Variants in PXDNL observed in about 807,000 individuals in gnomAD.
PXDNL encodes the protein peroxidasin like.
PXDNL carries 145 observed loss-of-function variants against 150.8 expected under a neutral mutation model. That is an observed-to-expected ratio of 0.96 (90% confidence interval 0.84 to 1.10). The LOEUF is 1.10. PXDNL is among the 50% of genes least tolerant of loss of function. The pLI is 0.00. For missense variants in PXDNL, 2,087 were observed against 1,873.9 expected (o/e 1.11, Z -2.10); for synonymous variants, 757 against 725.7 (o/e 1.04, Z -0.69).
rs747622985 is a variant in PXDNL, at chr8:51,475,130, G to T, written c.536C>A (p.Ser179Tyr). ...LDSLKRLRLD[S>Y]NALVCDCDLM... The stretch of plus-strand genomic sequence containing the variant: ...ATCACAGTCACAAACCAGGGCGTTG[G>T]AATCCAGACGCCTAGGCATGCAGGC... Residue 179 changes from serine (S) to tyrosine (Y), a missense_variant, in exon 7 of 23, where the codon TCC (serine) becomes TAC (tyrosine). Transcript: ENST00000356297. The T allele has an allele frequency of 1.1e-5, 18 of 1,612,340 alleles. No individual in the cohort carries two copies. Among genetic ancestry groups the T allele is most frequent in the Admixed American group, 1.7e-5 (1 of 59,894 alleles).
intron 3 of PXDNL, among the ~76,000 whole-genome samples, chr8:51,564,914 G>T (rs1254452908): frequency 6.6e-6 from 1 of 151,794 alleles, no homozygotes; most frequent in Admixed American, 6.6e-5. Context: ...TTATTGATAA[G>T]TAATCATGTA....
intron 2 of PXDNL, among the ~76,000 whole-genome samples, chr8:51,616,610 A>G (rs1216769124): frequency 6.6e-6 from 1 of 152,050 alleles, no homozygotes; most frequent in Non-Finnish European, 1.5e-5. Context: ...AGATGATTGT[A>G]GTATTGGCAT....
chr8:51,673,312 G>T (rs941316532), intron 1 of PXDNL, among the ~76,000 whole-genome samples: 2 of 152,148 alleles, frequency 1.3e-5, no homozygotes, highest in African/African-American at 4.8e-5. Flanking sequence ...TATAAGAAAA[G>T]ATACTAAATG....
intron 4 of PXDNL, among the ~76,000 whole-genome samples, chr8:51,503,492 TAAG>T (rs1242500388): frequency 1.3e-5 from 2 of 152,174 alleles, no homozygotes; most frequent in African/African-American, 4.8e-5. Flanking sequence ...CAGATTCAAA[TAAG>T]GAGGGAGTCA....
At chr8:51,517,660 CTT>C (rs963605617) in intron 4 of PXDNL, among the ~76,000 whole-genome samples, 1 of 152,156 alleles carries the variant, frequency 6.6e-6, no homozygotes, top group African/African-American at 2.4e-5. Flanking sequence ...GTAATTGCCT[CTT>C]ATATGTTTTA....
intron 12 of PXDNL, among the ~76,000 whole-genome samples, chr8:51,435,180 G>A (rs1034127724): frequency 1.2e-4 from 18 of 152,080 alleles, no homozygotes; most frequent in African/African-American, 4.1e-4. Flanking sequence ...AATTAGCCAG[G>A]CATGGTGGCA....
At chr8:51,608,646 G>C (rs1349289899) in intron 2 of PXDNL, among the ~76,000 whole-genome samples, 1 of 148,794 alleles carries the variant, frequency 6.7e-6, no homozygotes, top group Admixed American at 6.6e-5. Context: ...GACCATCCTG[G>C]CTAACACGGT....
rs766642473 is a variant in PXDNL at position 51,322,915 on chromosome 8, A to C, written c.4147-2018T>G. ...TTCAGTACCTGATATGTACCAGCTA[A>C]TACACTAATAAACTAGCAGGACTTG... On this transcript the variant is annotated intron_variant, in intron 21 of 22. Transcript: ENST00000356297. 2.4e-4 allele frequency among the ~76,000 whole-genome samples: 36 copies of C among 152,194 alleles called. 1 individual carries two copies. The highest frequency in any genetic ancestry group is 4.4e-4 in the Non-Finnish European group (30 of 68,036).
rs71550280 is a variant in PXDNL, at chr8:51,675,792, C to CAAA, written c.165-21035_165-21033dup. ...TGGGCGACACAGCAAGGCTCCGTCT[C>CAAA]AAAAAAAAAAAAAAAAAAATTGCCC... On this transcript the variant is annotated intron_variant, in intron 1 of 22. Transcript: ENST00000356297. 7.5e-5 allele frequency among the ~76,000 whole-genome samples: 7 copies of CAAA among 93,254 alleles called. 1 individual carries two copies. Among genetic ancestry groups the CAAA allele is most frequent in the African/African-American group, 1.3e-4 (3 of 22,928 alleles). The allele number at this position is 93,254 out of a possible 152,430, so 61.2% of individuals were successfully genotyped here. A position where few individuals can be genotyped will look rare whatever the true frequency, so the allele number is the denominator to read the frequency against.
chr8:51,576,697 A>C (rs1194759165), intron 3 of PXDNL, among the ~76,000 whole-genome samples: 1 of 151,850 alleles, frequency 6.6e-6, no homozygotes, highest in African/African-American at 2.4e-5. Flanking sequence ...ACAGATAAAC[A>C]ACAGAAAATC....
Position 51,533,909 on chromosome 8 carries a change from C to A in PXDNL, c.380+22931G>T, listed in dbSNP as rs536700669. Among the ~76,000 whole-genome samples the A allele has an allele frequency of 6.4e-3, 946 of 147,448 alleles. 11 individuals carry two copies. The highest frequency in any genetic ancestry group is 0.023 in the African/African-American group (899 of 39,304). On this transcript the variant is annotated intron_variant, in intron 4 of 22. Transcript: ENST00000356297. ...TGCAGCCTCTGCCCAGCCGCCACCCCGTCTGGGAAGTGAGGAGCGTCTCTG... is the reference window on the plus strand; with the variant it reads ...TGCAGCCTCTGCCCAGCCGCCACCCAGTCTGGGAAGTGAGGAGCGTCTCTG...
chr8:51,792,659 T>C (rs1368329803), intron 1 of PXDNL, among the ~76,000 whole-genome samples: 1 of 152,130 alleles, frequency 6.6e-6, no homozygotes, highest in South Asian at 2.1e-4. Context: ...CTGGGGAGAC[T>C]GGATGGTTTG....
intron 2 of PXDNL, among the ~76,000 whole-genome samples, chr8:51,653,083 T>G (rs960632215): frequency 3.9e-5 from 6 of 152,202 alleles, no homozygotes; most frequent in African/African-American, 1.4e-4. Flanking sequence ...CATGTTTCAG[T>G]AGACAGTGGT....
chr8:51,536,272 G>C (rs752970539), intron 4 of PXDNL, among the ~76,000 whole-genome samples: 20 of 152,168 alleles, frequency 1.3e-4, no homozygotes, highest in Non-Finnish European at 1.8e-4. Context: ...ACTGGAAATG[G>C]AGAGAAAAAA....
intron 1 of PXDNL, among the ~76,000 whole-genome samples, chr8:51,700,593 CACACAT>C (rs1816237298): frequency 2.6e-5 from 3 of 116,266 alleles, no homozygotes; most frequent in Admixed American, 9.0e-5. Flanking sequence ...CACACATATA[CACACAT>C]ACAGACACAA....
At chr8:51,649,867 C>T (rs769589855) in intron 2 of PXDNL, among the ~76,000 whole-genome samples, 3 of 151,816 alleles carry the variant, frequency 2.0e-5, no homozygotes, top group African/African-American at 2.4e-5. Context: ...TTTGGGAGGC[C>T]GAGGTGGGTG....
chr8:51,653,366 C>G (rs1035168068), intron 2 of PXDNL, among the ~76,000 whole-genome samples: 4 of 151,926 alleles, frequency 2.6e-5, no homozygotes, highest in Non-Finnish European at 5.9e-5. Context: ...TGCAGTGAGC[C>G]GAGATTGTGC....
In PXDNL at chr8:51,689,758, A is replaced by C. The variant is rs76739800; in HGVS notation, c.165-34998T>G. On this transcript the variant is annotated intron_variant, in intron 1 of 22. Coordinates refer to ENST00000356297, the MANE Select transcript of PXDNL (RefSeq NM_144651.5). ...AATATAAGGAAATAACATAGAGAGG[A>C]GCATGGTTCTAAGAAAACAGGATTT... 2.0e-5 allele frequency among the ~76,000 whole-genome samples: 3 copies of C among 152,318 alleles called. No individual in the cohort carries two copies. The East Asian group carries it at 5.8e-4, about 29-fold the overall frequency.
At chr8:51,429,850 A>G (rs1426951017) in intron 12 of PXDNL, among the ~76,000 whole-genome samples, 1 of 152,162 alleles carries the variant, frequency 6.6e-6, no homozygotes, top group East Asian at 1.9e-4. Context: ...AAAGATAAAA[A>G]GGTTCAGTTC....
Sources: allele counts gnomAD v4.1 joint callset (sites outside exome capture counted in the v4.1 genomes callset), GRCh38; gene constraint gnomAD v4.1.1; transcripts MANE v1.5; gene names NCBI Gene and HGNC (gene_info 2026-07-23, HGNC 2026-07-21).